Variants in KNOP1 observed in about 807,000 individuals in gnomAD.
KNOP1 encodes lysine rich nucleolar protein 1, also known as lysine-rich nucleolar protein 1.
Under a neutral mutation model 30.6 loss-of-function variants are expected in KNOP1, and 20 were observed. That is an observed-to-expected ratio of 0.65 (90% confidence interval 0.46 to 0.95). The LOEUF is 0.95. Ranked by LOEUF, KNOP1 falls within the 40% of genes least tolerant of loss-of-function variation. KNOP1 has a pLI of 0.00. For missense variants in KNOP1, 540 were observed against 562.0 expected (o/e 0.96, Z 0.40); for synonymous variants, 204 against 210.0 (o/e 0.97, Z 0.25).
intron 1 of KNOP1, chr16:19,715,323 A>C: frequency 1.0e-5 from 3 of 286,568 alleles, no homozygotes; most frequent in Non-Finnish European, 6.4e-6. Flanking sequence ...GGAATATAAC[A>C]CCTCCCTCCT....
In KNOP1 at chr16:19,705,283, T is replaced by C. The variant is rs538685692; in HGVS notation, c.*1627A>G. The stretch of plus-strand genomic sequence containing the variant: ...AACTTTCTGGCCATCGAGGCCTGCC[T>C]GGGCTGGGATGTCTGTAGGAGGCAT... On this transcript the variant is annotated 3_prime_UTR_variant, in exon 5 of 5. Transcript: ENST00000219837. The C allele has an allele frequency of 3.7e-5, 17 of 455,962 alleles. 1 individual carries two copies. The highest frequency in any genetic ancestry group is 2.3e-4 in the South Asian group (15 of 64,538). The allele number at this position is 455,962 out of a possible 1,614,324, so 28.2% of individuals were successfully genotyped here.
rs61740230 is a variant in KNOP1 at position 19,706,991 on chromosome 16, G to A, written c.1296C>T (p.Ala432=). 1.9e-3 allele frequency: 3,056 copies of A among 1,613,914 alleles called. 73 individuals are homozygous for A. In the South Asian group the frequency reaches 0.031, roughly 17 times the overall value. ...RAMSWKYSRG[A]GLGFSTAPNK... ...TGGGGGCGGTGGAGAAGCCGAGGCCGGCTCCCCGGCTGTACTTCCAGCTCA... is the reference window on the plus strand; with the variant it reads ...TGGGGGCGGTGGAGAAGCCGAGGCCAGCTCCCCGGCTGTACTTCCAGCTCA... Residue 432 remains alanine (A), a synonymous_variant, in exon 5 of 5, where the codon GCC becomes GCT. Coordinates refer to ENST00000219837, the MANE Select transcript of KNOP1 (RefSeq NM_001012991.3).
rs1043097572 is a variant in KNOP1, at chr16:19,714,514, G to A, written c.522C>T (p.Ala174=). The A allele has an allele frequency of 1.9e-6, 3 of 1,613,972 alleles. No homozygotes were observed. The highest frequency in any genetic ancestry group is 3.3e-5 in the Admixed American group (2 of 60,000). ...TGTCCCCAACATCCCTGGCCTCCCT[G>A]GCCTCACAGAACCAAGGGTCCTGGA... The part of the protein sequence containing the change: ...FSVQDPWFCE[A]REARDVGDTC... Residue 174 remains alanine (A), a synonymous_variant, in exon 2 of 5, where the codon GCC becomes GCT. Transcript: ENST00000219837.
chr16:19,714,739 G>A lies in KNOP1; in HGVS notation c.297C>T (p.Leu99=). The change falls in exon 2 of 5, where the codon CTC becomes CTT. Residue 99 remains leucine, a synonymous_variant. Transcript: ENST00000219837. ...PARRTEKSPS[L]RKQVFGHLEF... Reference sequence around the variant, plus strand: ...CCAAGTGGCCAAACACCTGCTTCCTGAGGCTGGGTGACTTCTCTGTCCGTC... The same window carrying A: ...CCAAGTGGCCAAACACCTGCTTCCTAAGGCTGGGTGACTTCTCTGTCCGTC... The A allele has an allele frequency of 1.3e-5, 21 of 1,614,182 alleles. No homozygotes were observed. Among genetic ancestry groups the A allele is most frequent in the Non-Finnish European group, 1.7e-5 (20 of 1,180,046 alleles).
rs1422669515 is a variant in KNOP1 at position 19,702,983 on chromosome 16, G to C, written c.*3927C>G. ...GCACTCCAGCCTGGGCGTGGAGTGA[G>C]AGTGAGACTGTCTCAAAAAAAAAAA... On this transcript the variant is annotated 3_prime_UTR_variant, in exon 5 of 5. Coordinates refer to ENST00000219837, the MANE Select transcript of KNOP1 (RefSeq NM_001012991.3). The C allele has an allele frequency of 2.7e-5, 4 of 149,806 alleles. No individual in the cohort carries two copies. The highest frequency in any genetic ancestry group is 1.0e-4 in the African/African-American group (4 of 39,932). The allele number at this position is 149,806 out of a possible 1,614,324, so 9.3% of individuals were successfully genotyped here.
At chr16:19,708,508 GTGAGACATAC>G (rs1976538265) in intron 4 of KNOP1, among the ~76,000 whole-genome samples, 1 of 152,100 alleles carries the variant, frequency 6.6e-6, no homozygotes, top group Non-Finnish European at 1.5e-5. Context: ...CAGGGCTTCA[GTGAGACATAC>G]GTCAGATTTG....
At position 19,705,020 on chromosome 16, in the gene KNOP1, T is replaced by C. The variant is rs959411808; in HGVS notation, c.*1890A>G. On this transcript the variant is annotated 3_prime_UTR_variant, in exon 5 of 5. Transcript: ENST00000219837. ...CCAGCCTTCCCATGACAGGGGCGGG[T>C]GCAGCTATGGGCAGATGACTCATTG... 2.8e-6 allele frequency: 1 copy of C among 362,454 alleles called. No individual in the cohort carries two copies. Among genetic ancestry groups the C allele is most frequent in the South Asian group, 2.1e-5 (1 of 46,776 alleles). The allele number at this position is 362,454 out of a possible 1,614,324, so 22.5% of individuals were successfully genotyped here.
At chr16:19,709,577 G>A (rs979963279) in intron 4 of KNOP1, among the ~76,000 whole-genome samples, 1 of 152,190 alleles carries the variant, frequency 6.6e-6, no homozygotes, top group African/African-American at 2.4e-5. Context: ...CCTGTGGCCT[G>A]TAGCCCTCTC....
At chr16:19,716,312 G>A (rs1337653085) in intron 1 of KNOP1, 1 of 152,388 alleles carries the variant, frequency 6.6e-6, no homozygotes, top group Non-Finnish European at 1.5e-5. Context: ...CAAGAAGCAA[G>A]TAGGTGTGGG....
rs2151638201 is a variant in KNOP1, at chr16:19,703,675, A to C, written c.*3235T>G. On this transcript the variant is annotated 3_prime_UTR_variant, in exon 5 of 5. Transcript: ENST00000219837. ...GAGGGTGGTGCTCAAACCAATGTTA[A>C]TTTACAAAGGATGGGAGCTCAGAGT... is the stretch of plus-strand genomic sequence containing the variant. 1 of 152,086 alleles carries C rather than the reference A, an allele frequency of 6.6e-6. No homozygotes were observed. The highest frequency in any genetic ancestry group is 3.4e-3 in the Middle Eastern group (1 of 294). 9.4% of individuals were successfully genotyped at this position (152,086 alleles called of 1,614,324 possible). A position where few individuals can be genotyped will look rare whatever the true frequency, so the allele number is the denominator to read the frequency against.
chr16:19,716,951 T>C (rs1304330548), intron 1 of KNOP1, among the ~76,000 whole-genome samples: 1 of 152,226 alleles, frequency 6.6e-6, no homozygotes, highest in Non-Finnish European at 1.5e-5. Context: ...CAAGCAATTT[T>C]CACGCCTCAG....
chr16:19,715,981 G>A (rs557616154), intron 1 of KNOP1, among the ~76,000 whole-genome samples: 1 of 152,140 alleles, frequency 6.6e-6, no homozygotes, highest in Non-Finnish European at 1.5e-5. Flanking sequence ...TAGGATCATG[G>A]GAGGGAAAGG....
At chr16:19,715,113 C>A in intron 1 of KNOP1, 76 bp from the exon 2 acceptor site, 1 of 1,119,480 alleles carries the variant, frequency 8.9e-7, no homozygotes, top group South Asian at 1.7e-5. Context: ...TGCCAAGAGC[C>A]ATGTTTCTTT....
Position 19,711,378 on chromosome 16 carries a change from T to G in KNOP1, c.981A>C (p.Ile327=). 1 of 1,614,042 alleles carries G rather than the reference T, an allele frequency of 6.2e-7. No individual in the cohort carries two copies. Among genetic ancestry groups the G allele is most frequent in the Non-Finnish European group, 8.5e-7 (1 of 1,180,012 alleles). The change falls in exon 3 of 5, where the codon ATA becomes ATC. Residue 327 remains isoleucine (I), a synonymous_variant. Coordinates refer to ENST00000219837, the MANE Select transcript of KNOP1 (RefSeq NM_001012991.3). Reference sequence around the variant, plus strand: ...AGGAGGGTCTGGGCTGTACCTGGTCTATGTGCGCCTCATCCATGTTGCCTT... The same window carrying G: ...AGGAGGGTCTGGGCTGTACCTGGTCGATGTGCGCCTCATCCATGTTGCCTT... ...EKKGNMDEAH[I]DQVRRKALQE...
chr16:19,714,294 C>T lies in KNOP1; in HGVS notation c.742G>A (p.Val248Ile). 3 of 1,614,160 alleles carry T rather than the reference C, an allele frequency of 1.9e-6. No individual in the cohort carries two copies. Among genetic ancestry groups the T allele is most frequent in the Non-Finnish European group, 2.5e-6 (3 of 1,180,016 alleles). ...ATGTATTCCGGAGCCTCAACTTTGA[C>T]TGGCTTCTTTTTACTTCCTTTCCTA... ...SPRKGSKKKP[V>I]KVEAPEYIPI... Residue 248 changes from valine to isoleucine, a missense_variant, in exon 2 of 5, where the codon GTC (valine) becomes ATC (isoleucine). By Grantham distance (29) the Val-to-Ile change is conservative. Transcript: ENST00000219837.
At chr16:19,717,764 C>A (rs1319875483) in intron 1 of KNOP1, 1 of 996,442 alleles carries the variant, frequency 1.0e-6, no homozygotes, top group African/African-American at 1.7e-5. Context: ...AATTCACTTG[C>A]CCTAGGTTCC....
chr16:19,705,500 C>T lies in KNOP1; in HGVS notation c.*1410G>A, dbSNP rs1208040730. 1 of 311,502 alleles carries T rather than the reference C, an allele frequency of 3.2e-6. No homozygotes were observed. Among genetic ancestry groups the T allele is most frequent in the Non-Finnish European group, 6.3e-6 (1 of 157,656 alleles). The allele number at this position is 311,502 out of a possible 1,614,324, so 19.3% of individuals were successfully genotyped here. A position where few individuals can be genotyped will look rare whatever the true frequency, so the allele number is the denominator to read the frequency against. The stretch of plus-strand genomic sequence containing the variant: ...TCCCCACAGCCGATGAGGCAACTTC[C>T]CGTGTCATCTCCACACGTTCATCTC... On this transcript the variant is annotated 3_prime_UTR_variant, in exon 5 of 5. Transcript: ENST00000219837.
At chr16:19,710,663 G>A (rs1976665004) in intron 3 of KNOP1, 77 bp from the exon 4 acceptor site, 2 of 1,232,258 alleles carry the variant, frequency 1.6e-6, no homozygotes, top group Non-Finnish European at 2.4e-6. Flanking sequence ...ACAGAGACGG[G>A]GCTGGGGGAA....
chr16:19,717,283 G>A (rs1237350315), intron 1 of KNOP1: 4 of 981,878 alleles, frequency 4.1e-6, no homozygotes, highest in African/African-American at 1.8e-5. Flanking sequence ...TGGGGGAGGG[G>A]GACTATTGTA....
Sources: allele counts gnomAD v4.1 joint callset (sites outside exome capture counted in the v4.1 genomes callset), GRCh38; gene constraint gnomAD v4.1.1; transcripts MANE v1.5; gene names NCBI Gene and HGNC (gene_info 2026-07-23, HGNC 2026-07-21).